ADAM32: variants seen among roughly 807,000 people sequenced by gnomAD.
ADAM32 encodes ADAM metallopeptidase domain 32.
Under a neutral mutation model 114.9 loss-of-function variants are expected in ADAM32, and 89 were observed. The observed-to-expected ratio is 0.77, with a 90% CI of 0.65 to 0.92. The LOEUF is 0.92. Among genes scored for constraint, ADAM32 ranks in the 40% least tolerant of loss-of-function variants. The probability of loss-of-function intolerance (pLI) is 0.00; values close to 1 mark genes in which losing one functional copy is unlikely to be tolerated. For synonymous variants in ADAM32, 285 were observed against 307.5 expected, an observed-to-expected ratio of 0.93 and a Z score of 0.77; for missense variants, 870 against 932.8, an observed-to-expected ratio of 0.93 and a Z score of 0.88.
chr8:39,149,908 T>A, intron 5 of ADAM32, 41 bp downstream of exon 5: 1 of 1,507,492 alleles, frequency 6.6e-7, no homozygotes, highest in Non-Finnish European at 9.1e-7. Context: ...TTAGTTATGA[T>A]ATTTGGCTGC....
intron 10 of ADAM32, among the ~76,000 whole-genome samples, chr8:39,183,140 C>A (rs1214819177): frequency 6.6e-6 from 1 of 152,196 alleles, no homozygotes; most frequent in African/African-American, 2.4e-5. Context: ...GAATCTGTAT[C>A]GTGTTTCCTG....
At chr8:39,183,438 G>A (rs997295925) in intron 10 of ADAM32, among the ~76,000 whole-genome samples, 1 of 152,180 alleles carries the variant, frequency 6.6e-6, no homozygotes, top group Non-Finnish European at 1.5e-5. Flanking sequence ...TGCATGCAGT[G>A]CCGCACCAGC....
chr8:39,214,329 C>G (rs560124216), intron 12 of ADAM32, among the ~76,000 whole-genome samples: 1 of 152,294 alleles, frequency 6.6e-6, no homozygotes, highest in East Asian at 1.9e-4. Context: ...TCCCTTTTCT[C>G]CATATCTTCA....
chr8:39,118,485 A>C (rs1840466850), intron 2 of ADAM32, among the ~76,000 whole-genome samples: 1 of 152,128 alleles, frequency 6.6e-6, no homozygotes, highest in South Asian at 2.1e-4. Flanking sequence ...GTCTAAGACA[A>C]TTTCTTTTAA....
At chr8:39,187,426 C>A (rs1047216822) in intron 11 of ADAM32, among the ~76,000 whole-genome samples, 1 of 152,160 alleles carries the variant, frequency 6.6e-6, no homozygotes, top group Non-Finnish European at 1.5e-5. Context: ...CACCCGCCAC[C>A]GTGCCCAGCT....
chr8:39,199,894 A>C (rs918691096), intron 11 of ADAM32, among the ~76,000 whole-genome samples: 20 of 151,554 alleles, frequency 1.3e-4, no homozygotes, highest in African/African-American at 4.9e-4. Context: ...TCCTTGCGAT[A>C]GTTTGCTGAG....
intron 3 of ADAM32, among the ~76,000 whole-genome samples, chr8:39,137,784 A>AG (rs1554598193): frequency 6.6e-6 from 1 of 151,670 alleles, no homozygotes; most frequent in Non-Finnish European, 1.5e-5. Context: ...AAAAAAAAAA[A>AG]AGGTGTAAAC....
intron 2 of ADAM32, chr8:39,129,808 T>C (rs1258328956): frequency 3.2e-6 from 1 of 312,816 alleles, no homozygotes; most frequent in East Asian, 8.1e-5. Flanking sequence ...GGCCTTTCTT[T>C]TTGGGAAGAT....
intron 3 of ADAM32, among the ~76,000 whole-genome samples, chr8:39,141,671 T>C (rs897094286): frequency 6.6e-6 from 1 of 152,162 alleles, no homozygotes; most frequent in Non-Finnish European, 1.5e-5. Flanking sequence ...ATACTGTTGA[T>C]TTGGGGTGGA....
chr8:39,159,832 G>A (rs1466310522), intron 6 of ADAM32, among the ~76,000 whole-genome samples: 1 of 152,114 alleles, frequency 6.6e-6, no homozygotes, highest in Non-Finnish European at 1.5e-5. Context: ...TCTGGCACGG[G>A]AAAGCCACAC....
At chr8:39,257,465 A>G in intron 19 of ADAM32, 122 bp downstream of exon 19, 1 of 1,174,878 alleles carries the variant, frequency 8.5e-7, no homozygotes, top group Non-Finnish European at 1.2e-6. Flanking sequence ...TATTACATCA[A>G]TATGTCATTT....
chr8:39,250,302 T>G (rs1319666939), intron 17 of ADAM32, among the ~76,000 whole-genome samples: 1 of 151,888 alleles, frequency 6.6e-6, no homozygotes, highest in East Asian at 1.9e-4. Context: ...TTTAGAAGTT[T>G]CTATTGAGAC....
At chr8:39,190,008 C>T (rs1291808936) in intron 11 of ADAM32, among the ~76,000 whole-genome samples, 2 of 152,110 alleles carry the variant, frequency 1.3e-5, no homozygotes, top group African/African-American at 2.4e-5. Context: ...TTAGTAGAGA[C>T]GAGATTTCAC....
At chr8:39,251,331 C>A (rs73608621) in intron 17 of ADAM32, among the ~76,000 whole-genome samples, 397 of 151,810 alleles carry the variant, frequency 2.6e-3, no homozygotes, top group African/African-American at 9.1e-3. Context: ...GCCTCGCCAG[C>A]ATTGGCTGTT....
intron 7 of ADAM32, among the ~76,000 whole-genome samples, chr8:39,162,411 T>C (rs931117998): frequency 5.9e-5 from 9 of 152,238 alleles, no homozygotes; most frequent in Admixed American, 5.2e-4. Flanking sequence ...AGACTATCAT[T>C]GTTGGACATT....
At position 39,232,079 on chromosome 8, in the gene ADAM32, C is replaced by T. The variant is rs1809773578; in HGVS notation, c.1578C>T (p.Asp526=). The part of the protein sequence containing the change: ...ACYEEIQSQS[D]RFGNCGRDRN... The stretch of plus-strand genomic sequence containing the variant: ...ATGAAGAAATACAATCTCAATCAGA[C>T]AGATTTGGGAACTGTGGTAGGGATA... The change falls in exon 15 of 25, where the codon GAC becomes GAT. Residue 526 remains aspartate (D), a synonymous_variant. Transcript: ENST00000379907. The T allele has an allele frequency of 6.2e-7, 1 of 1,612,568 alleles. No homozygotes were observed. The highest frequency in any genetic ancestry group is 8.5e-7 in the Non-Finnish European group (1 of 1,179,060).
At chr8:39,209,169 A>G (rs1808048215) in intron 11 of ADAM32, among the ~76,000 whole-genome samples, 1 of 151,990 alleles carries the variant, frequency 6.6e-6, no homozygotes, top group East Asian at 1.9e-4. Context: ...TGTTCTTTTA[A>G]ATTCACTTTT....
At chr8:39,263,995 C>A (rs1475133342) in intron 19 of ADAM32, among the ~76,000 whole-genome samples, 1 of 152,146 alleles carries the variant, frequency 6.6e-6, no homozygotes, top group Non-Finnish European at 1.5e-5. Context: ...AAACCATCGA[C>A]ATAATCAAGA....
intron 14 of ADAM32, among the ~76,000 whole-genome samples, chr8:39,226,853 T>C (rs1304774565): frequency 6.6e-6 from 1 of 152,220 alleles, no homozygotes; most frequent in African/African-American, 2.4e-5. Flanking sequence ...AAAGTAAGTA[T>C]ATAGTCAAAT....
Sources: gnomAD v4.1 joint callset for allele counts (sites outside exome capture counted in the v4.1 genomes callset) on GRCh38, gnomAD v4.1.1 for gene constraint, MANE v1.5 for transcripts, NCBI Gene and HGNC (gene_info 2026-07-23, HGNC 2026-07-21) for gene names.